ZHX3: variants seen among roughly 807,000 people sequenced by gnomAD.
The protein encoded by ZHX3 is zinc fingers and homeoboxes protein 3.
A neutral mutation model predicts 64.5 loss-of-function variants in ZHX3; 20 were observed. The observed-to-expected ratio is 0.31, with a 90% CI of 0.22 to 0.45. The LOEUF (loss-of-function observed/expected upper bound fraction) is 0.45. ZHX3 is among the 20% of genes least tolerant of loss of function. The pLI, the probability that ZHX3 is intolerant of heterozygous loss-of-function variation, is 1.00. For synonymous variants in ZHX3, 423 were observed against 461.6 expected, an observed-to-expected ratio of 0.92 and a Z score of 1.07; for missense variants, 1,041 against 1,195.8, an observed-to-expected ratio of 0.87 and a Z score of 1.91.
intron 2 of ZHX3, among the ~76,000 whole-genome samples, chr20:41,250,444 G>C (rs2041935739): frequency 6.6e-6 from 1 of 152,192 alleles, no homozygotes; most frequent in East Asian, 1.9e-4. Flanking sequence ...AGTACTTTGG[G>C]AGGCTGAGAT....
At chr20:41,284,567 T>C (rs950229978) in intron 1 of ZHX3, among the ~76,000 whole-genome samples, 1 of 152,160 alleles carries the variant, frequency 6.6e-6, no homozygotes, top group African/African-American at 2.4e-5. Context: ...CTTCAATCTG[T>C]CTGTTGGTCC....
At chr20:41,279,623 C>A (rs2043570490) in intron 1 of ZHX3, among the ~76,000 whole-genome samples, 1 of 152,018 alleles carries the variant, frequency 6.6e-6, no homozygotes, top group South Asian at 2.1e-4. Context: ...ATATAAAAGA[C>A]TACTTATTAA....
chr20:41,250,994 AAAT>A (rs1184721093), intron 2 of ZHX3, among the ~76,000 whole-genome samples: 2 of 152,188 alleles, frequency 1.3e-5, no homozygotes, highest in African/African-American at 4.8e-5. Flanking sequence ...TAAAAATAAA[AAAT>A]AATAACAAAT....
At position 41,224,420 on chromosome 20, in the gene ZHX3, A is replaced by G. The variant is rs1279980599; in HGVS notation, c.-150-19354T>C. Among the ~76,000 whole-genome samples the G allele has an allele frequency of 6.6e-6, 1 of 152,192 alleles. No individual in the cohort carries two copies. Among genetic ancestry groups the G allele is most frequent in the East Asian group, 1.9e-4 (1 of 5,196 alleles). ...GCTAAGTGTCCTGAATTCATTGCAC[A>G]TTCTCTCTATACATTCTAATTTGTC... On this transcript the variant is annotated intron_variant, in intron 2 of 3. Coordinates refer to ENST00000683867, the MANE Select transcript of ZHX3 (RefSeq NM_001384317.1). This position sits in a 1 kb window ranked among gnomAD's most constrained non-coding sequence, Gnocchi z 5.2.
intron 2 of ZHX3, among the ~76,000 whole-genome samples, chr20:41,215,221 C>T (rs2039433212): frequency 6.6e-6 from 1 of 152,080 alleles, no homozygotes; most frequent in Admixed American, 6.5e-5. Context: ...CGCACCACTG[C>T]ACTCCAGCCT....
intron 1 of ZHX3, among the ~76,000 whole-genome samples, chr20:41,278,847 A>C (rs540859050): frequency 7.0e-6 from 1 of 143,700 alleles, no homozygotes; most frequent in East Asian, 2.1e-4. Flanking sequence ...ATCTGGGCTC[A>C]CTGCAAGCTC....
In ZHX3 at chr20:41,192,115, T is replaced by C. The variant is rs546857728; in HGVS notation, c.2861-6914A>G. The stretch of plus-strand genomic sequence containing the variant: ...ATGACCCTCTGGGTCCCAAGTGATA[T>C]GTGCTTGTGTTGGCAGTGGCTGCAA... On this transcript the variant is annotated intron_variant, in intron 3 of 3. Coordinates refer to ENST00000683867, the MANE Select transcript of ZHX3 (RefSeq NM_001384317.1). Among the ~76,000 whole-genome samples, 214 of 152,272 alleles carry C rather than the reference T, an allele frequency of 1.4e-3. 2 individuals are homozygous for C. In the South Asian group the frequency reaches 0.017, roughly 12 times the overall value.
chr20:41,193,980 G>A (rs766220222), intron 3 of ZHX3, among the ~76,000 whole-genome samples: 25 of 152,266 alleles, frequency 1.6e-4, no homozygotes, highest in East Asian at 1.3e-3. Flanking sequence ...GATTACAGGC[G>A]TGAGCTACCA....
intron 2 of ZHX3, among the ~76,000 whole-genome samples, chr20:41,207,322 G>A (rs1250819761): frequency 2.0e-5 from 3 of 151,764 alleles, no homozygotes; most frequent in African/African-American, 7.3e-5. Context: ...AAATGTAAAT[G>A]GGCTAAATGC....
At position 41,228,134 on chromosome 20, in the gene ZHX3, C is replaced by T. The variant is rs2040383388; in HGVS notation, c.-150-23068G>A. Among the ~76,000 whole-genome samples the T allele has an allele frequency of 6.6e-6, 1 of 152,142 alleles. No individual in the cohort carries two copies. ...AAGACCCACACCTCTATAACCTCTC[C>T]AAAGGGAGCAAACTCATGCCCAGGA... On this transcript the variant is annotated intron_variant, in intron 2 of 3. Transcript: ENST00000683867. The surrounding 1 kb of genome is among the most constrained non-coding windows in gnomAD (Gnocchi z 4.6).
chr20:41,290,783 T>G (rs17266652), intron 1 of ZHX3, among the ~76,000 whole-genome samples: 4 of 152,288 alleles, frequency 2.6e-5, no homozygotes, highest in Admixed American at 2.6e-4. Flanking sequence ...TCTTAAATCA[T>G]AAAATCTCCA....
chr20:41,310,273 G>A (rs2045092178), intron 1 of ZHX3, among the ~76,000 whole-genome samples: 1 of 152,110 alleles, frequency 6.6e-6, no homozygotes. Flanking sequence ...CATACTGCCT[G>A]GAGATCATGG....
rs1398286409 is a variant in ZHX3, at chr20:41,201,606, TTCA to T, written c.2860+448_2860+450del. Reference sequence around the variant, plus strand: ...GGCATAACCAGAGAAACACAAGACTTTCATCATCAGAAAAAAGCACATTATGTA... The same window carrying T: ...GGCATAACCAGAGAAACACAAGACTTTCATCAGAAAAAAGCACATTATGTA... On this transcript the variant is annotated intron_variant, in intron 3 of 3. Coordinates refer to ENST00000683867, the MANE Select transcript of ZHX3 (RefSeq NM_001384317.1). This position sits in a 1 kb window ranked among gnomAD's most constrained non-coding sequence, Gnocchi z 5.0. Among the ~76,000 whole-genome samples the T allele has an allele frequency of 1.3e-5, 2 of 152,216 alleles. No individual in the cohort carries two copies. Among genetic ancestry groups the T allele is most frequent in the Non-Finnish European group, 2.9e-5 (2 of 68,038 alleles).
chr20:41,288,839 C>T (rs542494716), intron 1 of ZHX3, among the ~76,000 whole-genome samples: 1 of 152,222 alleles, frequency 6.6e-6, no homozygotes, highest in South Asian at 2.1e-4. Context: ...TCTAAAGTGA[C>T]TTTGAATTTC....
intron 1 of ZHX3, among the ~76,000 whole-genome samples, chr20:41,291,333 G>A (rs1158333442): frequency 6.6e-6 from 1 of 152,126 alleles, no homozygotes; most frequent in Non-Finnish European, 1.5e-5. Flanking sequence ...GCCAGAGAAA[G>A]GCAAATTCAA....
intron 1 of ZHX3, among the ~76,000 whole-genome samples, chr20:41,280,574 TTTTTTTG>T (rs1257504514): frequency 1.3e-5 from 2 of 152,032 alleles, no homozygotes; most frequent in Admixed American, 6.6e-5. Context: ...TGTTTTTCTG[TTTTTTTG>T]TTTTTTGTTT....
intron 2 of ZHX3, among the ~76,000 whole-genome samples, chr20:41,265,486 G>T (rs2042797454): frequency 6.6e-6 from 1 of 152,152 alleles, no homozygotes. Context: ...ACAGGCGTGA[G>T]CCACCGCGCC....
chr20:41,258,482 T>C (rs1439485115), intron 2 of ZHX3, among the ~76,000 whole-genome samples: 1 of 152,246 alleles, frequency 6.6e-6, no homozygotes, highest in African/African-American at 2.4e-5. Context: ...CTTAGTCTCC[T>C]GCAGCCTGTG....
intron 1 of ZHX3, among the ~76,000 whole-genome samples, chr20:41,303,569 G>A (rs1375627939): frequency 6.6e-6 from 1 of 152,094 alleles, no homozygotes; most frequent in Admixed American, 6.5e-5. Flanking sequence ...CCAGCCCCTT[G>A]CCTTCTATAG....
Sources: gnomAD v4.1 joint callset for allele counts (sites outside exome capture counted in the v4.1 genomes callset) on GRCh38, gnomAD v4.1.1 for gene constraint, Gnocchi (gnomAD v3.1) non-coding constraint, MANE v1.5 for transcripts, NCBI Gene and HGNC (gene_info 2026-07-23, HGNC 2026-07-21) for gene names.